Variants in HS6ST3 observed in about 807,000 individuals in gnomAD.
The protein encoded by HS6ST3 is heparan-sulfate 6-O-sulfotransferase 3.
Under a neutral mutation model 36.7 loss-of-function variants are expected in HS6ST3, and 12 were observed. The ratio of observed to expected loss-of-function variants is 0.33; its 90% confidence interval spans 0.21 to 0.53. HS6ST3 has a LOEUF of 0.53. Ranked by LOEUF, HS6ST3 falls within the 20% of genes least tolerant of loss-of-function variation. The pLI is 0.95. For synonymous variants in HS6ST3, 240 were observed against 257.5 expected, an observed-to-expected ratio of 0.93 and a Z score of 0.65; for missense variants, 584 against 640.9, an observed-to-expected ratio of 0.91 and a Z score of 0.96.
intron 1 of HS6ST3, among the ~76,000 whole-genome samples, chr13:96,273,836 T>C (rs1257742886): frequency 6.6e-6 from 1 of 151,894 alleles, no homozygotes; most frequent in Non-Finnish European, 1.5e-5. Flanking sequence ...TCAGGAACAA[T>C]GATTTTGGGA....
intron 1 of HS6ST3, among the ~76,000 whole-genome samples, chr13:96,510,086 T>TTTTTTTTTTA (rs2056043081): frequency 7.1e-6 from 1 of 141,590 alleles, no homozygotes; most frequent in Non-Finnish European, 1.5e-5. Context: ...TTCCTAGGTA[T>TTTTTTTTTTA]TTTTATTTTA....
intron 1 of HS6ST3, among the ~76,000 whole-genome samples, chr13:96,254,031 T>C (rs1232955588): frequency 6.6e-6 from 1 of 152,148 alleles, no homozygotes; most frequent in Non-Finnish European, 1.5e-5. Flanking sequence ...GTATTATCCT[T>C]AATTCCAATA....
At chr13:96,699,012 T>C (rs1875207764) in intron 1 of HS6ST3, among the ~76,000 whole-genome samples, 1 of 152,174 alleles carries the variant, frequency 6.6e-6, no homozygotes, top group Non-Finnish European at 1.5e-5. Flanking sequence ...GGATTCCCTA[T>C]TTAATAAATG....
chr13:96,414,988 G>T (rs2055526085), intron 1 of HS6ST3, among the ~76,000 whole-genome samples: 2 of 152,050 alleles, frequency 1.3e-5, no homozygotes, highest in South Asian at 2.1e-4. Flanking sequence ...CATTTTAAAA[G>T]AATTCAACAT....
rs894003440 is a variant in HS6ST3, at chr13:96,730,012, G to T, written c.708-102478G>T. Among the ~76,000 whole-genome samples the T allele has an allele frequency of 3.3e-5, 5 of 152,204 alleles. No individual in the cohort carries two copies. In the East Asian group the frequency reaches 7.7e-4, roughly 24 times the overall value. On this transcript the variant is annotated intron_variant, in intron 1 of 1. Transcript: ENST00000376705. The stretch of plus-strand genomic sequence containing the variant: ...TTTATCCTTTATGTAGAAAACAATG[G>T]TTTTTAACATGAGATTTCATGCAAT...
intron 1 of HS6ST3, among the ~76,000 whole-genome samples, chr13:96,180,818 C>A (rs1383668530): frequency 1.3e-5 from 2 of 152,070 alleles, no homozygotes; most frequent in African/African-American, 2.4e-5. Flanking sequence ...AGATTTGAAC[C>A]AAAGACAATT....
At chr13:96,230,823 T>C (rs1415361759) in intron 1 of HS6ST3, among the ~76,000 whole-genome samples, 1 of 152,060 alleles carries the variant, frequency 6.6e-6, no homozygotes, top group Non-Finnish European at 1.5e-5. Context: ...TAAAGACAGA[T>C]GGTTCATGAT....
intron 1 of HS6ST3, among the ~76,000 whole-genome samples, chr13:96,810,233 A>G (rs539335468): frequency 2.0e-5 from 3 of 152,256 alleles, no homozygotes; most frequent in East Asian, 1.9e-4. Context: ...GACCTTTCCT[A>G]TCAGGAAACC....
intron 1 of HS6ST3, among the ~76,000 whole-genome samples, chr13:96,703,723 C>T (rs952830696): frequency 1.3e-5 from 2 of 152,078 alleles, no homozygotes; most frequent in African/African-American, 4.8e-5. Flanking sequence ...GATATTAGTC[C>T]TTACCCTCAA....
intron 1 of HS6ST3, among the ~76,000 whole-genome samples, chr13:96,737,784 C>G (rs1296362673): frequency 6.6e-6 from 1 of 152,082 alleles, no homozygotes; most frequent in African/African-American, 2.4e-5. Context: ...GCTATCATCT[C>G]TAGGTGAGAA....
At chr13:96,781,540 C>T (rs1184567162) in intron 1 of HS6ST3, among the ~76,000 whole-genome samples, 1 of 152,188 alleles carries the variant, frequency 6.6e-6, no homozygotes, top group African/African-American at 2.4e-5. Context: ...GTAGCTGTAT[C>T]TTCTTAAACA....
At chr13:96,222,653 G>A (rs1336880329) in intron 1 of HS6ST3, among the ~76,000 whole-genome samples, 1 of 152,296 alleles carries the variant, frequency 6.6e-6, no homozygotes, top group East Asian at 1.9e-4. Context: ...CAGGCCTATC[G>A]CCCTGACAGC....
chr13:96,229,259 C>T (rs1050115519), intron 1 of HS6ST3, among the ~76,000 whole-genome samples: 9 of 152,178 alleles, frequency 5.9e-5, no homozygotes, highest in African/African-American at 2.2e-4. Context: ...TCTCATTCCT[C>T]CATGTACATT....
intron 1 of HS6ST3, among the ~76,000 whole-genome samples, chr13:96,336,727 AT>A (rs2055103108): frequency 6.6e-6 from 1 of 152,236 alleles, no homozygotes; most frequent in Non-Finnish European, 1.5e-5. Context: ...TGTGATATTT[AT>A]TACGGTAGCC....
At chr13:96,101,975 C>T (rs772107527) in intron 1 of HS6ST3, among the ~76,000 whole-genome samples, 4 of 152,084 alleles carry the variant, frequency 2.6e-5, no homozygotes, top group East Asian at 1.9e-4. Flanking sequence ...AAGTTGCCTG[C>T]GGAATTGTTT....
chr13:96,754,434 T>C (rs529282554), intron 1 of HS6ST3, among the ~76,000 whole-genome samples: 1 of 152,212 alleles, frequency 6.6e-6, no homozygotes, highest in Non-Finnish European at 1.5e-5. Context: ...TTTAGGATAT[T>C]CAGTGCCCTT....
chr13:96,117,645 A>G (rs2053899958), intron 1 of HS6ST3, among the ~76,000 whole-genome samples: 1 of 152,222 alleles, frequency 6.6e-6, no homozygotes, highest in Non-Finnish European at 1.5e-5. Context: ...GCCAAAAAAT[A>G]AGGCAGGCAA....
intron 1 of HS6ST3, among the ~76,000 whole-genome samples, chr13:96,405,399 A>G (rs979747997): frequency 2.6e-5 from 4 of 152,310 alleles, no homozygotes; most frequent in Middle Eastern, 3.4e-3. Context: ...GAAATATGGT[A>G]TTACCATGTT....
chr13:96,309,938 A>G (rs2054932120), intron 1 of HS6ST3, among the ~76,000 whole-genome samples: 3 of 152,144 alleles, frequency 2.0e-5, no homozygotes, highest in Admixed American at 6.6e-5. Context: ...TAGTGGATAT[A>G]TAGTTTATAA....
Sources: gnomAD v4.1 joint callset for allele counts (sites outside exome capture counted in the v4.1 genomes callset) on GRCh38, gnomAD v4.1.1 for gene constraint, MANE v1.5 for transcripts, NCBI Gene and HGNC (gene_info 2026-07-23, HGNC 2026-07-21) for gene names.